Variants in NRXN3 observed in about 807,000 individuals in gnomAD.
NRXN3 encodes the protein neurexin III.
NRXN3 carries 32 observed loss-of-function variants against 137.6 expected under a neutral mutation model. The observed-to-expected ratio is 0.23, with a 90% CI of 0.18 to 0.31. The LOEUF is 0.31. Among genes scored for constraint, NRXN3 ranks in the 10% least tolerant of loss-of-function variants. The pLI, the probability that NRXN3 is intolerant of heterozygous loss-of-function variation, is 1.00. For synonymous variants in NRXN3, 798 were observed against 784.5 expected, an observed-to-expected ratio of 1.02 and a Z score of -0.29; for missense variants, 1,574 against 2,062.5, an observed-to-expected ratio of 0.76 and a Z score of 4.59.
chr14:78,805,130 G>A (rs2098854911), intron 9 of NRXN3, among the ~76,000 whole-genome samples: 1 of 151,900 alleles, frequency 6.6e-6, no homozygotes, highest in Admixed American at 6.6e-5. Flanking sequence ...GGGACACAAA[G>A]GACTGTTTTG....
chr14:79,751,000 G>A (rs531548100), intron 19 of NRXN3, among the ~76,000 whole-genome samples: 3 of 152,148 alleles, frequency 2.0e-5, no homozygotes, highest in African/African-American at 7.2e-5. Flanking sequence ...TTGAAACAAA[G>A]CTGTGATGCC....
chr14:79,418,691 A>C (rs1396432851), intron 15 of NRXN3, among the ~76,000 whole-genome samples: 1 of 152,234 alleles, frequency 6.6e-6, no homozygotes, highest in East Asian at 1.9e-4. Context: ...ACTCTTAAGA[A>C]GTTCATAGCC....
intron 4 of NRXN3, among the ~76,000 whole-genome samples, chr14:78,550,030 CTTTTTT>C (rs3032366): frequency 2.6e-5 from 3 of 117,094 alleles, no homozygotes; most frequent in Admixed American, 8.7e-5. Context: ...ATTCTGCAAA[CTTTTTT>C]TTTTTTTTTT....
chr14:79,038,450 T>A (rs1409286073), intron 15 of NRXN3, among the ~76,000 whole-genome samples: 1 of 152,158 alleles, frequency 6.6e-6, no homozygotes. Flanking sequence ...TATTGTTACC[T>A]TATTTTTTGA....
At chr14:78,989,534 G>C (rs554305961) in intron 15 of NRXN3, among the ~76,000 whole-genome samples, 1 of 152,242 alleles carries the variant, frequency 6.6e-6, no homozygotes, top group African/African-American at 2.4e-5. Context: ...TCTGGAGAAA[G>C]TTTTGGTATA....
intron 15 of NRXN3, among the ~76,000 whole-genome samples, chr14:79,185,155 A>G (rs1269213230): frequency 1.3e-5 from 2 of 152,162 alleles, no homozygotes; most frequent in Non-Finnish European, 1.5e-5. Flanking sequence ...TTTCTAATAA[A>G]CTATTTTTTA....
At chr14:79,361,314 A>G (rs2093672549) in intron 15 of NRXN3, among the ~76,000 whole-genome samples, 2 of 151,920 alleles carry the variant, frequency 1.3e-5, no homozygotes, top group African/African-American at 2.4e-5. Context: ...TTCACTTCCA[A>G]CCCCCTAAGT....
At chr14:78,477,592 C>T (rs957401421) in intron 4 of NRXN3, among the ~76,000 whole-genome samples, 7 of 152,134 alleles carry the variant, frequency 4.6e-5, no homozygotes, top group African/African-American at 1.7e-4. Flanking sequence ...TCTGAAATTC[C>T]AAACTCCCTC....
intron 16 of NRXN3, among the ~76,000 whole-genome samples, chr14:79,634,336 G>C (rs2098386455): frequency 1.3e-5 from 2 of 152,190 alleles, no homozygotes; most frequent in Non-Finnish European, 2.9e-5. Flanking sequence ...AGAGGAGACA[G>C]AGAGATGGCT....
chr14:78,584,585 T>C (rs2152377894), intron 4 of NRXN3, among the ~76,000 whole-genome samples: 2 of 152,360 alleles, frequency 1.3e-5, no homozygotes, highest in South Asian at 4.1e-4. Flanking sequence ...CAGGATCAAA[T>C]GGCATGGTCT....
At chr14:78,421,633 A>C (rs2093450563) in intron 4 of NRXN3, among the ~76,000 whole-genome samples, 1 of 152,102 alleles carries the variant, frequency 6.6e-6, no homozygotes, top group African/African-American at 2.4e-5. Context: ...AAACAGACAA[A>C]CATTTTTCAT....
intron 15 of NRXN3, among the ~76,000 whole-genome samples, chr14:79,316,900 T>C (rs893959131): frequency 2.6e-5 from 4 of 152,174 alleles, no homozygotes; most frequent in Non-Finnish European, 5.9e-5. Context: ...TACAAAGTTA[T>C]CATATCATGG....
At chr14:78,293,235 C>A (rs757065980) in intron 3 of NRXN3, among the ~76,000 whole-genome samples, 1 of 152,062 alleles carries the variant, frequency 6.6e-6, no homozygotes, top group African/African-American at 2.4e-5. Context: ...GGCTCCAACC[C>A]CTTTTCCTTT....
chr14:79,135,495 AAT>A (rs1404466313), intron 15 of NRXN3, among the ~76,000 whole-genome samples: 1 of 152,210 alleles, frequency 6.6e-6, no homozygotes, highest in Non-Finnish European at 1.5e-5. Context: ...CTTGCTAAGC[AAT>A]ACCCCAAGGT....
intron 4 of NRXN3, among the ~76,000 whole-genome samples, chr14:78,560,530 A>G (rs183677213): frequency 1.3e-5 from 2 of 152,320 alleles, no homozygotes; most frequent in Admixed American, 6.5e-5. Flanking sequence ...CAAGGCCTGG[A>G]TGCTCACTGG....
At chr14:79,286,608 A>G (rs937305917) in intron 15 of NRXN3, among the ~76,000 whole-genome samples, 6 of 149,914 alleles carry the variant, frequency 4.0e-5, no homozygotes, top group East Asian at 3.9e-4. Flanking sequence ...AAAGCATTCC[A>G]TCTTTGGGGA....
chr14:78,676,345 A>G (rs1184557471), intron 6 of NRXN3, among the ~76,000 whole-genome samples: 2 of 152,158 alleles, frequency 1.3e-5, no homozygotes, highest in Non-Finnish European at 2.9e-5. Flanking sequence ...AAAAGTGGGC[A>G]CATGAATGAT....
intron 15 of NRXN3, among the ~76,000 whole-genome samples, chr14:79,315,055 GC>G (rs2088234452): frequency 6.6e-6 from 1 of 152,174 alleles, no homozygotes; most frequent in African/African-American, 2.4e-5. Context: ...AAACTTGGCA[GC>G]CCGTGAGTTA....
intron 16 of NRXN3, among the ~76,000 whole-genome samples, chr14:79,655,772 CA>C (rs1445139355): frequency 2.6e-5 from 4 of 152,148 alleles, no homozygotes; most frequent in Non-Finnish European, 5.9e-5. Context: ...TCAGTTGTGA[CA>C]GCCAAAAATG....
Sources: gnomAD v4.1 joint callset for allele counts (sites outside exome capture counted in the v4.1 genomes callset) on GRCh38, gnomAD v4.1.1 for gene constraint, MANE v1.5 for transcripts, NCBI Gene and HGNC (gene_info 2026-07-23, HGNC 2026-07-21) for gene names.